The following REG1B variants were observed in gnomAD, a reference collection of about 807,000 sequenced individuals.
The protein encoded by REG1B is regenerating family member 1 beta, also known as lithostathine-1-beta.
A neutral mutation model predicts 20.4 loss-of-function variants in REG1B; 21 were observed. That is an observed-to-expected ratio of 1.03 (90% CI 0.73 to 1.48). The LOEUF is 1.48. REG1B is among the 40% of genes most tolerant of loss of function. The probability of loss-of-function intolerance (pLI) is 0.00; values close to 1 mark genes in which losing one functional copy is unlikely to be tolerated. For missense variants in REG1B, 247 were observed against 197.2 expected, an observed-to-expected ratio of 1.25 and a Z score of -1.51; for synonymous variants, 82 against 73.4, an observed-to-expected ratio of 1.12 and a Z score of -0.60.
At chr2:79,085,423 C>T (rs1672383206) in intron 5 of REG1B, 69 bp downstream of exon 5, 2 of 1,398,610 alleles carry the variant, frequency 1.4e-6, no homozygotes, top group Non-Finnish European at 2.0e-6. Flanking sequence ...CTATCCCAGT[C>T]CCCATGTTCA....
chr2:79,086,666 G>C, intron 3 of REG1B, 146 bp downstream of exon 3: 1 of 1,305,148 alleles, frequency 7.7e-7, no homozygotes, highest in Non-Finnish European at 1.1e-6. Context: ...TCAAATGATG[G>C]GATAAAGTAG....
At chr2:79,087,281 A>T (rs980184460) in intron 2 of REG1B, 8 of 542,318 alleles carry the variant, frequency 1.5e-5, no homozygotes, top group Non-Finnish European at 2.6e-5. Flanking sequence ...ACTACATAAA[A>T]ACATCCCCCA....
Position 79,086,479 on chromosome 2 carries a change from C to T in REG1B, c.209G>A (p.Gly70Asp). Residue 70 changes from glycine (G) to aspartate (D), a missense_variant, in exon 4 of 6, where the codon GGC becomes GAC. Transcript: ENST00000305089. ...ADLYCQNMNS[G>D]NLVSVLTQAE... ...CTGGGTGAGCACAGACACCAGGTTG[C>T]CTGAATTCATGTTCTGGCAATAGAG... 15 of 1,613,802 alleles carry T rather than the reference C, an allele frequency of 9.3e-6. No individual in the cohort carries two copies. The highest frequency in any genetic ancestry group is 1.2e-5 in the Non-Finnish European group (14 of 1,179,964).
At chr2:79,087,698 C>A in intron 1 of REG1B, 40 bp from the exon 2 acceptor site, 3 of 1,314,982 alleles carry the variant, frequency 2.3e-6, no homozygotes, top group African/African-American at 1.5e-5. Context: ...AAGAAGAGAG[C>A]AGAGCACCTG....
Position 79,085,094 on chromosome 2 carries a change from T to C in REG1B, c.*122A>G, listed in dbSNP as rs556810613. The C allele has an allele frequency of 5.5e-5, 39 of 706,868 alleles. No homozygotes were observed. The South Asian group carries it at 6.1e-4, about 11-fold the overall frequency. 43.8% of individuals were successfully genotyped at this position (706,868 alleles called of 1,614,324 possible). ...CTGAGACAGGTGAAGGTACTGAAGA[T>C]CAGCGATGCAAACTCATTAGGGAGG... On this transcript the variant is annotated 3_prime_UTR_variant, in exon 6 of 6. Coordinates refer to ENST00000305089, the MANE Select transcript of REG1B (RefSeq NM_006507.4).
In REG1B at chr2:79,085,301, G is replaced by C. The variant is rs375479869; in HGVS notation, c.434-18C>G. 3.4e-5 allele frequency: 54 copies of C among 1,581,518 alleles called. No homozygotes were observed. Among genetic ancestry groups the C allele is most frequent in the Non-Finnish European group, 4.7e-5 (54 of 1,150,442 alleles). ...CTTGAATCCTATGGTACAATGAGAA[G>C]TGTCAGACATAGAGGATCAGAAGGA... On this transcript the variant is annotated intron_variant, in intron 5 of 5. Coordinates refer to ENST00000305089, the MANE Select transcript of REG1B (RefSeq NM_006507.4).
intron 2 of REG1B, 67 bp downstream of exon 2, chr2:79,087,482 C>A: frequency 6.6e-7 from 1 of 1,519,342 alleles, no homozygotes; most frequent in Middle Eastern, 1.7e-4. Context: ...TCAAGTGAAC[C>A]TTATACATGA....
At position 79,085,464 on chromosome 2, in the gene REG1B, AC is replaced by A. The variant is rs1193856700; in HGVS notation, c.433+27del. 4 of 1,559,762 alleles carry A rather than the reference AC, an allele frequency of 2.6e-6. No individual in the cohort carries two copies. In the South Asian group the frequency reaches 3.3e-5, roughly 13 times the overall value. ...AGAGATAAGTGGGAAGGAAATGGCA[AC>A]AGGTGGATAGATTGTCTGCCTCTCA... On this transcript the variant is annotated intron_variant, in intron 5 of 5. Coordinates refer to ENST00000305089, the MANE Select transcript of REG1B (RefSeq NM_006507.4).
intron 5 of REG1B, 79 bp from the exon 6 acceptor site, chr2:79,085,362 A>C: frequency 7.4e-7 from 1 of 1,355,046 alleles, no homozygotes; most frequent in Non-Finnish European, 1.1e-6. Flanking sequence ...TCAGAACAAA[A>C]AACTAGAGGA....
chr2:79,087,819 T>C, intron 1 of REG1B, 140 bp downstream of exon 1: 1 of 473,012 alleles, frequency 2.1e-6, no homozygotes, highest in South Asian at 4.5e-5. Context: ...AGAGGCCAAA[T>C]TACCCGAAAT....
At position 79,086,937 on chromosome 2, in the gene REG1B, A is replaced by T; in HGVS notation, c.65-7T>A. ...TCTGTCTGGGACTCCTGGCCTGGGGAAAAAAAAAAGGAGATAATTAAGAAA... is the reference window on the plus strand; with the variant it reads ...TCTGTCTGGGACTCCTGGCCTGGGGTAAAAAAAAAGGAGATAATTAAGAAA... On this transcript the variant is annotated splice_region_variant and splice_polypyrimidine_tract_variant and intron_variant, in intron 2 of 5. Transcript: ENST00000305089. 1 of 1,397,408 alleles carries T rather than the reference A, an allele frequency of 7.2e-7. No homozygotes were observed. The highest frequency in any genetic ancestry group is 9.9e-7 in the Non-Finnish European group (1 of 1,012,558). 86.6% of individuals were successfully genotyped at this position (1,397,408 alleles called of 1,614,324 possible). A position where few individuals can be genotyped will look rare whatever the true frequency, so the allele number is the denominator to read the frequency against.
At chr2:79,087,469 T>C in intron 2 of REG1B, 80 bp downstream of exon 2, 14 of 1,447,646 alleles carry the variant, frequency 9.7e-6, no homozygotes. Flanking sequence ...ACTCTGCTTT[T>C]TTTCAAGTGA....
intron 3 of REG1B, 106 bp from the exon 4 acceptor site, chr2:79,086,610 T>A: frequency 6.9e-7 from 1 of 1,454,896 alleles, no homozygotes; most frequent in Non-Finnish European, 9.5e-7. Flanking sequence ...GAAATGTCCC[T>A]GATGATGCTG....
chr2:79,087,586 C>T lies in REG1B; in HGVS notation c.27G>A (p.Met9Ile), dbSNP rs139308868. 3.7e-6 allele frequency: 6 copies of T among 1,613,572 alleles called. No individual in the cohort carries two copies. The African/African-American group carries it at 6.7e-5, about 18-fold the overall frequency. The change falls in exon 2 of 6, where the codon ATG (methionine) becomes ATA (isoleucine). Residue 9 changes from methionine to isoleucine, a missense_variant. Transcript: ENST00000305089. MAQTNSFF[M>I]LISSLMFLSL... is the part of the protein sequence containing the mutation. ...ACAGGAACATCAGGGAGGAGATCAG[C>T]ATGAAGAACGAGTTGGTCTGAGCCA... is the stretch of plus-strand genomic sequence containing the variant.
intron 4 of REG1B, 54 bp downstream of exon 4, chr2:79,086,313 C>A (rs1672398080): frequency 1.3e-6 from 2 of 1,598,352 alleles, no homozygotes; most frequent in Admixed American, 1.7e-5. Flanking sequence ...CCTTAAACGT[C>A]CCTCTTACCT....
At chr2:79,086,206 A>G in intron 4 of REG1B, 161 bp downstream of exon 4, 1 of 727,476 alleles carries the variant, frequency 1.4e-6, no homozygotes, top group Middle Eastern at 3.2e-4. Context: ...CTAACTACCT[A>G]CACTGAACTT....
At chr2:79,085,898 C>T in intron 4 of REG1B, 1 of 279,092 alleles carries the variant, frequency 3.6e-6, no homozygotes, top group Non-Finnish European at 6.8e-6. Context: ...TCAGAACTCT[C>T]ATATCCAGCA....
chr2:79,086,749 T>C (rs1401173782), intron 3 of REG1B, 63 bp downstream of exon 3: 2 of 1,499,560 alleles, frequency 1.3e-6, no homozygotes, highest in Non-Finnish European at 1.9e-6. Context: ...CAGAACACAC[T>C]GCAAATTAGC....
chr2:79,085,628 G>A (rs1226004709), intron 4 of REG1B, 25 bp from the exon 5 acceptor site: 2 of 1,497,670 alleles, frequency 1.3e-6, no homozygotes, highest in East Asian at 2.3e-5. Flanking sequence ...GCCAGAACAG[G>A]GGCCATGGTC....
Sources: allele counts gnomAD v4.1 joint callset, GRCh38; gene constraint gnomAD v4.1.1; transcripts MANE v1.5; gene names NCBI Gene and HGNC (gene_info 2026-07-23, HGNC 2026-07-21).